The following NYAP2 variants were observed in gnomAD, a reference collection of about 807,000 sequenced individuals.
NYAP2 encodes the protein neuronal tyrosine-phosphorylated phosphoinositide-3-kinase adapter 2.
In NYAP2, 23 loss-of-function variants were observed where a neutral mutation model predicts 50.4. The ratio of observed to expected loss-of-function variants is 0.46; its 90% confidence interval spans 0.33 to 0.65. NYAP2 has a LOEUF of 0.65. Among genes scored for constraint, NYAP2 ranks in the 30% least tolerant of loss-of-function variants. The pLI, the probability that NYAP2 is intolerant of heterozygous loss-of-function variation, is 0.02. For synonymous variants in NYAP2, 394 were observed against 365.2 expected, an observed-to-expected ratio of 1.08 and a Z score of -0.90; for missense variants, 885 against 861.0, an observed-to-expected ratio of 1.03 and a Z score of -0.35.
chr2:225,481,560 G>T (rs1690207721), intron 3 of NYAP2, among the ~76,000 whole-genome samples: 3 of 152,150 alleles, frequency 2.0e-5, no homozygotes, highest in South Asian at 4.1e-4. Context: ...TATGGGACCG[G>T]TTACTAATTT....
rs1212556127 is a variant in NYAP2, at chr2:225,466,642, A to AC, written c.222-46728dup. Reference sequence around the variant, plus strand: ...ATAAAACATGCAAAAGGAGAGAACCACTTGCTTCCAAAAAGTCAAGAGCCA... The same window carrying AC: ...ATAAAACATGCAAAAGGAGAGAACCACCTTGCTTCCAAAAAGTCAAGAGCCA... On this transcript the variant is annotated intron_variant, in intron 3 of 6. Transcript: ENST00000636099. 9.8e-5 allele frequency among the ~76,000 whole-genome samples: 15 copies of AC among 152,306 alleles called. No individual in the cohort carries two copies. The East Asian group carries it at 2.3e-3, about 24-fold the overall frequency.
chr2:225,432,261 G>C (rs1237012636), intron 3 of NYAP2, among the ~76,000 whole-genome samples: 7 of 150,170 alleles, frequency 4.7e-5, no homozygotes, highest in Non-Finnish European at 8.8e-5. Context: ...CTCCCAAAGT[G>C]CTGGGATTAC....
At chr2:225,599,409 G>T (rs1380547121) in intron 5 of NYAP2, among the ~76,000 whole-genome samples, 9 of 152,178 alleles carry the variant, frequency 5.9e-5, no homozygotes, top group Admixed American at 5.2e-4. Flanking sequence ...TTGAAGACTG[G>T]TGTGTTAAGA....
chr2:225,478,945 T>C (rs977383117), intron 3 of NYAP2, among the ~76,000 whole-genome samples: 6 of 152,162 alleles, frequency 3.9e-5, no homozygotes, highest in Admixed American at 2.0e-4. Context: ...TCAAAAGCTT[T>C]GACCTGTGAA....
the NYAP2 span, among the ~76,000 whole-genome samples, chr2:225,679,138 A>T: frequency 6.6e-6 from 1 of 152,186 alleles, no homozygotes. Context: ...TATGGACACA[A>T]TAACAATTGC....
At chr2:225,552,889 T>A (rs1265262770) in intron 4 of NYAP2, among the ~76,000 whole-genome samples, 1 of 152,182 alleles carries the variant, frequency 6.6e-6, no homozygotes, top group Non-Finnish European at 1.5e-5. Flanking sequence ...GATTTCACCA[T>A]ATTGGCCAGG....
intron 3 of NYAP2, among the ~76,000 whole-genome samples, chr2:225,502,749 G>T (rs1013366539): frequency 6.6e-6 from 1 of 152,126 alleles, no homozygotes; most frequent in Non-Finnish European, 1.5e-5. Flanking sequence ...TTTGGTGGTT[G>T]TTAGGGCCCC....
intron 3 of NYAP2, among the ~76,000 whole-genome samples, chr2:225,447,957 G>C (rs976953368): frequency 6.6e-6 from 1 of 152,168 alleles, no homozygotes; most frequent in African/African-American, 2.4e-5. Context: ...AGTTTAAAAA[G>C]AACTCAGGTG....
chr2:225,670,344 G>C, the NYAP2 span, among the ~76,000 whole-genome samples: 1 of 152,138 alleles, frequency 6.6e-6, no homozygotes, highest in Middle Eastern at 3.4e-3. Context: ...GAGAGGTCAT[G>C]CAATCTTTCC....
At chr2:225,538,475 G>A (rs1375892430) in intron 4 of NYAP2, among the ~76,000 whole-genome samples, 2 of 152,232 alleles carry the variant, frequency 1.3e-5, no homozygotes, top group Non-Finnish European at 2.9e-5. Context: ...CTGAAGCCAT[G>A]GACTGAGCTC....
intron 4 of NYAP2, among the ~76,000 whole-genome samples, chr2:225,553,328 G>A (rs1354676833): frequency 6.6e-6 from 1 of 152,192 alleles, no homozygotes; most frequent in Admixed American, 6.5e-5. Flanking sequence ...TTCCTCTAGG[G>A]CCTCTTCCTC....
At chr2:225,593,219 C>T (rs1306131074) in intron 5 of NYAP2, among the ~76,000 whole-genome samples, 1 of 152,160 alleles carries the variant, frequency 6.6e-6, no homozygotes, top group Non-Finnish European at 1.5e-5. Context: ...GGCTGGATGT[C>T]ACAAGAGGTG....
chr2:225,676,814 TTA>T, the NYAP2 span, among the ~76,000 whole-genome samples: 1 of 152,182 alleles, frequency 6.6e-6, no homozygotes, highest in African/African-American at 2.4e-5. Flanking sequence ...TACTGTAGCC[TTA>T]TAGTATAGTT....
intron 4 of NYAP2, among the ~76,000 whole-genome samples, chr2:225,552,797 T>G (rs1284074966): frequency 1.3e-5 from 2 of 152,144 alleles, no homozygotes; most frequent in East Asian, 3.9e-4. Context: ...TTCAAGTGAT[T>G]CTTCCTCAGC....
intron 5 of NYAP2, among the ~76,000 whole-genome samples, chr2:225,592,884 C>T (rs1160944358): frequency 3.9e-5 from 6 of 152,124 alleles, no homozygotes; most frequent in Non-Finnish European, 5.9e-5. Context: ...TTAAGAAGAA[C>T]CCTACCTGCT....
chr2:225,610,964 C>A (rs569892522), intron 5 of NYAP2, among the ~76,000 whole-genome samples: 1 of 152,128 alleles, frequency 6.6e-6, no homozygotes, highest in Non-Finnish European at 1.5e-5. Context: ...ACTCCATTGA[C>A]AGTTGTAGAA....
intron 3 of NYAP2, among the ~76,000 whole-genome samples, chr2:225,478,467 C>G (rs1037348483): frequency 2.0e-5 from 3 of 152,170 alleles, no homozygotes; most frequent in Non-Finnish European, 4.4e-5. Context: ...ACATGATAAT[C>G]AAGAAGTATA....
chr2:225,605,792 T>G (rs1305313374), intron 5 of NYAP2, among the ~76,000 whole-genome samples: 1 of 152,142 alleles, frequency 6.6e-6, no homozygotes, highest in Non-Finnish European at 1.5e-5. Flanking sequence ...TAGCTCCTAT[T>G]TATTTATTTA....
chr2:225,516,906 A>G (rs1439051400), intron 4 of NYAP2, among the ~76,000 whole-genome samples: 1 of 152,192 alleles, frequency 6.6e-6, no homozygotes, highest in African/African-American at 2.4e-5. Flanking sequence ...ATTAAATGCC[A>G]GAAAAATCAA....
Sources: allele counts gnomAD v4.1 joint callset (sites outside exome capture counted in the v4.1 genomes callset), GRCh38; gene constraint gnomAD v4.1.1; transcripts MANE v1.5; gene names NCBI Gene and HGNC (gene_info 2026-07-23, HGNC 2026-07-21).